EXTL3: variants seen among roughly 807,000 people sequenced by gnomAD.
The protein encoded by EXTL3 is exostosin-like 3.
A neutral mutation model predicts 69.3 loss-of-function variants in EXTL3; 27 were observed. The ratio of observed to expected loss-of-function variants is 0.39; its 90% confidence interval spans 0.29 to 0.54. EXTL3 has a LOEUF of 0.54. Among genes scored for constraint, EXTL3 ranks in the 20% least tolerant of loss-of-function variants. The pLI is 0.69. For synonymous variants in EXTL3, 511 were observed against 499.4 expected (o/e 1.02, Z -0.31); for missense variants, 1,003 against 1,231.8 (o/e 0.81, Z 2.78).
intron 1 of EXTL3, among the ~76,000 whole-genome samples, chr8:28,648,777 T>A (rs1474719606): frequency 6.6e-6 from 1 of 152,156 alleles, no homozygotes; most frequent in Non-Finnish European, 1.5e-5. Context: ...GATAGGGTTT[T>A]GCTATGTTGC....
chr8:28,721,615 T>C (rs2130750216), intron 3 of EXTL3, among the ~76,000 whole-genome samples: 1 of 152,330 alleles, frequency 6.6e-6, no homozygotes, highest in African/African-American at 2.4e-5. Flanking sequence ...CTTTTTTTGG[T>C]ATTTTTGTGC....
At chr8:28,707,454 T>C (rs897023478) in intron 1 of EXTL3, among the ~76,000 whole-genome samples, 1 of 152,214 alleles carries the variant, frequency 6.6e-6, no homozygotes, top group African/African-American at 2.4e-5. Flanking sequence ...CAGTAGCAAT[T>C]ATGAAAAAGC....
chr8:28,663,602 C>T (rs528485135), intron 1 of EXTL3, among the ~76,000 whole-genome samples: 1 of 152,198 alleles, frequency 6.6e-6, no homozygotes, highest in African/African-American at 2.4e-5. Context: ...CAGGTGCACA[C>T]CACCACACCC....
At chr8:28,726,204 T>A (rs547244611) in intron 3 of EXTL3, among the ~76,000 whole-genome samples, 50 of 152,310 alleles carry the variant, frequency 3.3e-4, no homozygotes, top group Non-Finnish European at 5.1e-4. Context: ...TCCGCCCGCC[T>A]CGGCCTCCTA....
rs1222896922 is a variant in EXTL3 at position 28,753,882 on chromosome 8, C to T, written c.*3016C>T. 3 of 152,242 alleles carry T rather than the reference C, an allele frequency of 2.0e-5. No individual in the cohort carries two copies. The highest frequency in any genetic ancestry group is 2.9e-5 in the Non-Finnish European group (2 of 68,082). The allele number at this position is 152,242 out of a possible 1,614,324, so 9.4% of individuals were successfully genotyped here. The stretch of plus-strand genomic sequence containing the variant: ...CCAGAGATGGGTGAACAGACTCACA[C>T]TCACATGGGCAGCCTTGCCTGTGCC... On this transcript the variant is annotated 3_prime_UTR_variant, in exon 7 of 7. Transcript: ENST00000220562.
At chr8:28,640,550 G>A (rs1806726656) in intron 1 of EXTL3, among the ~76,000 whole-genome samples, 1 of 152,184 alleles carries the variant, frequency 6.6e-6, no homozygotes, top group Non-Finnish European at 1.5e-5. Context: ...CCGACTTTCA[G>A]TCCAGGGCTT....
intron 1 of EXTL3, among the ~76,000 whole-genome samples, chr8:28,659,044 G>T (rs1387843499): frequency 2.6e-5 from 4 of 152,150 alleles, no homozygotes; most frequent in African/African-American, 9.7e-5. Flanking sequence ...TCCTAAGTAC[G>T]GCTGAAGGAT....
intron 1 of EXTL3, chr8:28,686,104 G>A (rs1267414871): frequency 2.6e-5 from 4 of 152,106 alleles, no homozygotes; most frequent in Admixed American, 1.3e-4. Flanking sequence ...GACCTCAAGT[G>A]ATTTGCTTGC....
rs1801134110 is a variant in EXTL3 at position 28,715,998 on chromosome 8, TAGC to T, written c.-60_-58del. The T allele has an allele frequency of 1.4e-6, 2 of 1,380,594 alleles. No homozygotes were observed. The highest frequency in any genetic ancestry group is 1.8e-5 in the Admixed American group (1 of 57,002). 85.5% of individuals were successfully genotyped at this position (1,380,594 alleles called of 1,614,324 possible). A position where few individuals can be genotyped will look rare whatever the true frequency, so the allele number is the denominator to read the frequency against. ...GTGAAACAGAGATCGTTTTGTGGAA[TAGC>T]AACCCATGGTTATGGCGAGTGACCC... On this transcript the variant is annotated 5_prime_UTR_variant, in exon 3 of 7. Transcript: ENST00000220562.
chr8:28,700,442 C>T (rs1356887689), upstream of EXTL3: 2 of 152,186 alleles, frequency 1.3e-5, no homozygotes, highest in Non-Finnish European at 2.9e-5. Context: ...AGCATTTTCT[C>T]AGCCTCCTTG....
Position 28,717,709 on chromosome 8 carries a change from A to C in EXTL3, c.1650A>C (p.Ala550=), listed in dbSNP as rs1264241799. ...CCGCTCCCATCCGGGAAGAGGCGGC[A>C]GCTGAGATCCCCCACCGTTCAGGCA... ...IPAAPIREEA[A]AEIPHRSGKA... is the part of the protein sequence containing the mutation. The change falls in exon 3 of 7, where the codon GCA becomes GCC. Residue 550 remains alanine (A), a synonymous_variant. Coordinates refer to ENST00000220562, the MANE Select transcript of EXTL3 (RefSeq NM_001440.4). This position sits in a 1 kb window ranked among gnomAD's most constrained non-coding sequence, Gnocchi z 8.3. 1 of 1,614,256 alleles carries C rather than the reference A, an allele frequency of 6.2e-7. No individual in the cohort carries two copies. The highest frequency in any genetic ancestry group is 1.1e-5 in the South Asian group (1 of 91,088).
chr8:28,637,124 A>G (rs557339465), intron 1 of EXTL3, among the ~76,000 whole-genome samples: 3 of 152,312 alleles, frequency 2.0e-5, no homozygotes, highest in African/African-American at 4.8e-5. Context: ...CAGTAATAAC[A>G]TTCCTTTATA....
At chr8:28,615,529 C>A (rs1174241627) in intron 2 of EXTL3, among the ~76,000 whole-genome samples, 2 of 152,126 alleles carry the variant, frequency 1.3e-5, no homozygotes, top group African/African-American at 4.8e-5. Context: ...ATTTTCCTTT[C>A]TCAAAAGTCT....
chr8:28,658,617 G>A (rs1253600915), intron 1 of EXTL3, among the ~76,000 whole-genome samples: 1 of 151,864 alleles, frequency 6.6e-6, no homozygotes, highest in Non-Finnish European at 1.5e-5. Context: ...AGCTCGCTCT[G>A]TCGCCCAGGC....
intron 2 of EXTL3, among the ~76,000 whole-genome samples, chr8:28,609,647 A>G (rs571298430): frequency 6.6e-6 from 1 of 152,192 alleles, no homozygotes; most frequent in African/African-American, 2.4e-5. Context: ...GCACTTTGGG[A>G]GCCCAAGGTG....
intron 1 of EXTL3, among the ~76,000 whole-genome samples, chr8:28,694,725 T>G (rs1418980844): frequency 1.3e-5 from 2 of 152,170 alleles, no homozygotes; most frequent in African/African-American, 4.8e-5. Context: ...CTGAAATAAC[T>G]AAGGGGCTGG....
chr8:28,711,457 A>AT (rs907809654), intron 1 of EXTL3, among the ~76,000 whole-genome samples: 5 of 150,210 alleles, frequency 3.3e-5, no homozygotes, highest in South Asian at 4.2e-4. Context: ...CCATGTTCCC[A>AT]TTTTTTTTTC....
At chr8:28,696,121 C>G (rs751812146) in intron 1 of EXTL3, 4 of 152,112 alleles carry the variant, frequency 2.6e-5, no homozygotes, top group Non-Finnish European at 5.9e-5. Context: ...GGTCAAACTC[C>G]TGGACTCAAG....
At chr8:28,622,253 C>T (rs1262617241), upstream of EXTL3, among the ~76,000 whole-genome samples, 11 of 152,262 alleles carry the variant, frequency 7.2e-5, no homozygotes, top group Non-Finnish European at 5.9e-5. Flanking sequence ...CGGGAGGTAG[C>T]CCCGCACTCT....
Sources: allele counts gnomAD v4.1 joint callset (sites outside exome capture counted in the v4.1 genomes callset), GRCh38; gene constraint gnomAD v4.1.1; non-coding constraint Gnocchi (gnomAD v3.1); transcripts MANE v1.5; gene names NCBI Gene and HGNC (gene_info 2026-07-23, HGNC 2026-07-21).